The following FAM168A variants were observed in gnomAD, a reference collection of about 807,000 sequenced individuals.
The protein encoded by FAM168A is family with sequence similarity 168 member A.
FAM168A carries 3 observed loss-of-function variants against 28.5 expected under a neutral mutation model. The observed-to-expected ratio is 0.11, with a 90% CI of 0.05 to 0.27. The LOEUF (loss-of-function observed/expected upper bound fraction) is 0.27, where lower values mean the gene tolerates loss of function less well. FAM168A is among the 10% of genes least tolerant of loss of function. FAM168A has a pLI of 1.00. For missense variants in FAM168A, 222 were observed against 311.5 expected (o/e 0.71, Z 2.16); for synonymous variants, 122 against 124.2 (o/e 0.98, Z 0.12).
chr11:73,556,060 A>C (rs1395610887), intron 1 of FAM168A, among the ~76,000 whole-genome samples: 1 of 152,160 alleles, frequency 6.6e-6, no homozygotes, highest in Non-Finnish European at 1.5e-5. Context: ...AAAAAAAGCA[A>C]TGGGGCTGGG....
chr11:73,511,482 C>T (rs748182634), intron 1 of FAM168A, among the ~76,000 whole-genome samples: 1 of 151,798 alleles, frequency 6.6e-6, no homozygotes. Flanking sequence ...TGTGATCTGC[C>T]CACCTTGGCT....
At chr11:73,505,376 CA>C (rs1855097000) in intron 1 of FAM168A, among the ~76,000 whole-genome samples, 1 of 151,972 alleles carries the variant, frequency 6.6e-6, no homozygotes, top group Non-Finnish European at 1.5e-5. Context: ...GTAAAATGAC[CA>C]TAATAATAGT....
intron 1 of FAM168A, among the ~76,000 whole-genome samples, chr11:73,555,671 G>C (rs1182668569): frequency 6.7e-6 from 1 of 150,040 alleles, no homozygotes; most frequent in Non-Finnish European, 1.5e-5. Context: ...TCTCACCACT[G>C]CACTCCAGCC....
chr11:73,409,354 T>A, intron 6 of FAM168A, 133 bp downstream of exon 6: 1 of 1,130,042 alleles, frequency 8.8e-7, no homozygotes, highest in Non-Finnish European at 1.2e-6. Context: ...AGAGGCTCCT[T>A]CCTCTGGGTT....
chr11:73,552,762 G>A (rs775132193), intron 1 of FAM168A, among the ~76,000 whole-genome samples: 3 of 152,160 alleles, frequency 2.0e-5, no homozygotes, highest in Non-Finnish European at 4.4e-5. Flanking sequence ...TTCAAGACCA[G>A]CCTGGCCAAC....
chr11:73,484,530 ATATATCTATATATCTATC>A (rs1331494235), intron 1 of FAM168A, among the ~76,000 whole-genome samples: 1 of 134,656 alleles, frequency 7.4e-6, no homozygotes. Flanking sequence ...ATATATATCT[ATATATCTATATATCTATC>A]TATATCTATA....
intron 1 of FAM168A, among the ~76,000 whole-genome samples, chr11:73,506,909 A>T (rs1855126770): frequency 6.6e-6 from 1 of 152,202 alleles, no homozygotes; most frequent in Admixed American, 6.5e-5. Context: ...TCACATATAT[A>T]ATCATTTCAG....
At chr11:73,590,012 T>C (rs1342054417) in intron 1 of FAM168A, among the ~76,000 whole-genome samples, 1 of 152,208 alleles carries the variant, frequency 6.6e-6, no homozygotes, top group African/African-American at 2.4e-5. Flanking sequence ...GACTGAATAC[T>C]GAGGCAGATC....
At chr11:73,596,280 A>G (rs1282103712) in intron 1 of FAM168A, among the ~76,000 whole-genome samples, 8 of 152,262 alleles carry the variant, frequency 5.3e-5, no homozygotes, top group Admixed American at 3.3e-4. Flanking sequence ...GTTTTTAAAT[A>G]CACCAGGAGG....
At chr11:73,583,498 C>A (rs981778398) in intron 1 of FAM168A, among the ~76,000 whole-genome samples, 55 of 152,280 alleles carry the variant, frequency 3.6e-4, no homozygotes, top group African/African-American at 1.3e-3. Context: ...AACTCCTGTC[C>A]ACTGCAAGTG....
At chr11:73,439,353 T>A (rs946561954) in intron 2 of FAM168A, among the ~76,000 whole-genome samples, 1 of 152,190 alleles carries the variant, frequency 6.6e-6, no homozygotes, top group African/African-American at 2.4e-5. Context: ...TTGTGCTGCA[T>A]CTTCAGAGAA....
intron 2 of FAM168A, among the ~76,000 whole-genome samples, chr11:73,453,604 G>A (rs368658428): frequency 8.5e-5 from 13 of 152,158 alleles, no homozygotes; most frequent in African/African-American, 2.4e-4. Flanking sequence ...AAAGTCTCAC[G>A]AATAAGTGAC....
In FAM168A at chr11:73,537,865, C is replaced by T. The variant is rs1258562049; in HGVS notation, c.-19+60058G>A. Among the ~76,000 whole-genome samples, 5 of 152,314 alleles carry T rather than the reference C, an allele frequency of 3.3e-5. No homozygotes were observed. The East Asian group carries it at 9.6e-4, about 29-fold the overall frequency. ...GGCAAATTCCAGCCACTTTTTAGAA[C>T]TATATTAAACTAACACATGTACACA... is the stretch of plus-strand genomic sequence containing the variant. On this transcript the variant is annotated intron_variant, in intron 1 of 7. Transcript: ENST00000356467.
intron 1 of FAM168A, among the ~76,000 whole-genome samples, chr11:73,483,626 C>T (rs7104271): frequency 0.023 from 3,519 of 152,084 alleles, 130 homozygotes; most frequent in African/African-American, 0.079. Flanking sequence ...AAAGCTAAAA[C>T]GGAAAAGAAG....
At chr11:73,417,503 A>G (rs1349170157) in intron 4 of FAM168A, among the ~76,000 whole-genome samples, 1 of 151,476 alleles carries the variant, frequency 6.6e-6, no homozygotes, top group African/African-American at 2.4e-5. Context: ...ACGTATGTTC[A>G]TTCATTCTAC....
intron 2 of FAM168A, among the ~76,000 whole-genome samples, chr11:73,454,586 C>T (rs1867493153): frequency 6.6e-6 from 1 of 151,926 alleles, no homozygotes; most frequent in African/African-American, 2.4e-5. Flanking sequence ...AAGCCTGAAA[C>T]CGCGGCCCAA....
intron 2 of FAM168A, among the ~76,000 whole-genome samples, chr11:73,454,382 T>C (rs1247022411): frequency 6.6e-6 from 1 of 152,172 alleles, no homozygotes; most frequent in East Asian, 1.9e-4. Context: ...GGGTGGAACT[T>C]GTCAAGTGTC....
chr11:73,417,880 T>C (rs1292324427), intron 4 of FAM168A, among the ~76,000 whole-genome samples: 4 of 151,896 alleles, frequency 2.6e-5, no homozygotes, highest in African/African-American at 9.7e-5. Context: ...TCTTAAAGAG[T>C]AAAATCAATC....
At chr11:73,424,983 A>C (rs1938487652) in intron 3 of FAM168A, 2 of 1,485,448 alleles carry the variant, frequency 1.3e-6, no homozygotes, top group African/African-American at 2.8e-5. Flanking sequence ...GAACACATTC[A>C]TAGGCTGTAA....
Sources: gnomAD v4.1 joint callset for allele counts (sites outside exome capture counted in the v4.1 genomes callset) on GRCh38, gnomAD v4.1.1 for gene constraint, MANE v1.5 for transcripts, NCBI Gene and HGNC (gene_info 2026-07-23, HGNC 2026-07-21) for gene names.